SLCO5A1: variants seen among roughly 807,000 people sequenced by gnomAD.
SLCO5A1 encodes organic anion transporter polypeptide-related protein 4.
SLCO5A1 carries 39 observed loss-of-function variants against 65.1 expected under a neutral mutation model. The observed-to-expected ratio is 0.60, with a 90% CI of 0.46 to 0.78. The LOEUF (loss-of-function observed/expected upper bound fraction) is 0.78. Among genes scored for constraint, SLCO5A1 ranks in the 30% least tolerant of loss-of-function variants. SLCO5A1 has a pLI of 0.00. For synonymous variants in SLCO5A1, 438 were observed against 415.7 expected (o/e 1.05, Z -0.65); for missense variants, 1,029 against 1,069.4 (o/e 0.96, Z 0.53).
At chr8:69,721,564 A>G (rs1815815752) in intron 5 of SLCO5A1, among the ~76,000 whole-genome samples, 1 of 152,224 alleles carries the variant, frequency 6.6e-6, no homozygotes, top group Non-Finnish European at 1.5e-5. Context: ...GTGCTCCCAT[A>G]AACATACACT....
At chr8:69,681,165 A>G (rs1813746897) in intron 7 of SLCO5A1, among the ~76,000 whole-genome samples, 1 of 152,246 alleles carries the variant, frequency 6.6e-6, no homozygotes, top group African/African-American at 2.4e-5. Flanking sequence ...CATCAAAAAC[A>G]ATATCCCCAA....
At chr8:69,753,839 C>T (rs1231494842) in intron 4 of SLCO5A1, among the ~76,000 whole-genome samples, 6 of 146,746 alleles carry the variant, frequency 4.1e-5, no homozygotes, top group African/African-American at 1.6e-4. Flanking sequence ...GGTGGAATAC[C>T]ATCTCTGCTA....
chr8:69,667,171 A>G lies in SLCO5A1; in HGVS notation c.*5698T>C, dbSNP rs1813206102. ...ATTTCATTAAACACACGGAAATTAT[A>G]CATCTTTTAAATTACCTTAAAAAGT... On this transcript the variant is annotated 3_prime_UTR_variant, in exon 10 of 10. Coordinates refer to ENST00000260126, the MANE Select transcript of SLCO5A1 (RefSeq NM_030958.3). 1 of 152,218 alleles carries G rather than the reference A, an allele frequency of 6.6e-6. No homozygotes were observed. 9.4% of individuals were successfully genotyped at this position (152,218 alleles called of 1,614,324 possible). A position where few individuals can be genotyped will look rare whatever the true frequency, so the allele number is the denominator to read the frequency against.
intron 2 of SLCO5A1, among the ~76,000 whole-genome samples, chr8:69,776,685 G>C (rs1287519510): frequency 6.6e-6 from 1 of 151,864 alleles, no homozygotes; most frequent in African/African-American, 2.4e-5. Context: ...GTGAGACCCT[G>C]TCTCAAAAAA....
chr8:69,695,313 G>A (rs943031832), intron 6 of SLCO5A1, among the ~76,000 whole-genome samples: 7 of 152,046 alleles, frequency 4.6e-5, no homozygotes, highest in Admixed American at 1.3e-4. Flanking sequence ...TGGCCAACAT[G>A]GTAAAACCCC....
At chr8:69,686,066 TACTACATACTTC>T (rs1286209851) in intron 6 of SLCO5A1, among the ~76,000 whole-genome samples, 1 of 142,860 alleles carries the variant, frequency 7.0e-6, no homozygotes, top group African/African-American at 3.0e-5. Context: ...AACATACTTC[TACTACATACTTC>T]TACTGGTCTC....
chr8:69,796,739 C>A (rs1819517487), intron 2 of SLCO5A1, among the ~76,000 whole-genome samples: 1 of 151,516 alleles, frequency 6.6e-6, no homozygotes, highest in Admixed American at 6.6e-5. Context: ...TTTGCTCATA[C>A]ATATGAGCAT....
intron 2 of SLCO5A1, among the ~76,000 whole-genome samples, chr8:69,824,764 C>G (rs1171037007): frequency 6.6e-6 from 1 of 152,196 alleles, no homozygotes; most frequent in Non-Finnish European, 1.5e-5. Flanking sequence ...GGAATCCTCC[C>G]TAACTCATTT....
intron 2 of SLCO5A1, among the ~76,000 whole-genome samples, chr8:69,784,886 A>AAAG (rs1563722937): frequency 1.7e-4 from 21 of 122,270 alleles, no homozygotes; most frequent in African/African-American, 7.1e-4. Context: ...AAAGAAAGAA[A>AAAG]GAAGAAAGGA....
At chr8:69,703,761 T>C (rs1476401591) in intron 6 of SLCO5A1, among the ~76,000 whole-genome samples, 2 of 152,250 alleles carry the variant, frequency 1.3e-5, no homozygotes, top group East Asian at 1.9e-4. Flanking sequence ...ATTTTGTCAA[T>C]TGTTTGTTTA....
At chr8:69,731,628 C>T (rs764667929) in intron 5 of SLCO5A1, among the ~76,000 whole-genome samples, 1 of 152,170 alleles carries the variant, frequency 6.6e-6, no homozygotes, top group African/African-American at 2.4e-5. Context: ...CTCATTAGCA[C>T]TGAAGAGAAA....
intron 2 of SLCO5A1, among the ~76,000 whole-genome samples, chr8:69,775,784 C>T (rs1351652640): frequency 2.6e-5 from 4 of 151,982 alleles, no homozygotes; most frequent in Admixed American, 2.0e-4. Context: ...GAGGCCACGG[C>T]GGGAAGATCA....
intron 2 of SLCO5A1, among the ~76,000 whole-genome samples, chr8:69,785,036 G>A (rs962200943): frequency 1.1e-4 from 16 of 149,920 alleles, no homozygotes; most frequent in African/African-American, 2.9e-4. Flanking sequence ...GAAGGAAGGG[G>A]AAAGAGAGAG....
chr8:69,702,327 A>G (rs1217439081), intron 6 of SLCO5A1, among the ~76,000 whole-genome samples: 1 of 152,244 alleles, frequency 6.6e-6, no homozygotes, highest in African/African-American at 2.4e-5. Flanking sequence ...AATTTACAGA[A>G]GTAGATATTG....
At chr8:69,738,448 T>C in intron 4 of SLCO5A1, among the ~76,000 whole-genome samples, 1 of 151,940 alleles carries the variant, frequency 6.6e-6, no homozygotes, top group East Asian at 1.9e-4. Context: ...AACATACCCA[T>C]ACACAAATAT....
chr8:69,746,011 C>T lies in SLCO5A1; in HGVS notation c.1259-7807G>A, dbSNP rs544099231. 3.4e-4 allele frequency among the ~76,000 whole-genome samples: 52 copies of T among 152,304 alleles called. 2 individuals are homozygous for T. In the Middle Eastern group the frequency reaches 0.017, roughly 50 times the overall value. On this transcript the variant is annotated intron_variant, in intron 4 of 9. Coordinates refer to ENST00000260126, the MANE Select transcript of SLCO5A1 (RefSeq NM_030958.3). Reference sequence around the variant, plus strand: ...GATGCAGAAATGTGTCAACCCTGAACGTCCTCCCTGACTCAGGCAGCCAAC... The same window carrying T: ...GATGCAGAAATGTGTCAACCCTGAATGTCCTCCCTGACTCAGGCAGCCAAC...
intron 2 of SLCO5A1, among the ~76,000 whole-genome samples, chr8:69,821,646 A>C (rs1294029093): frequency 6.6e-6 from 1 of 151,902 alleles, no homozygotes; most frequent in Non-Finnish European, 1.5e-5. Flanking sequence ...CTATATTTAC[A>C]AAAATACAAA....
At chr8:69,745,353 G>A (rs1816971139) in intron 4 of SLCO5A1, among the ~76,000 whole-genome samples, 2 of 151,584 alleles carry the variant, frequency 1.3e-5, no homozygotes, top group Admixed American at 1.3e-4. Context: ...TTTCTTTTAT[G>A]TTCTTCTAAA....
At chr8:69,710,495 C>T (rs1256098124) in intron 5 of SLCO5A1, among the ~76,000 whole-genome samples, 5 of 152,176 alleles carry the variant, frequency 3.3e-5, no homozygotes, top group African/African-American at 1.2e-4. Flanking sequence ...GGAATCTCAC[C>T]CAGAGCTCTA....
Sources: allele counts gnomAD v4.1 joint callset (sites outside exome capture counted in the v4.1 genomes callset), GRCh38; gene constraint gnomAD v4.1.1; transcripts MANE v1.5; gene names NCBI Gene and HGNC (gene_info 2026-07-23, HGNC 2026-07-21).